CBL: variants seen among roughly 807,000 people sequenced by gnomAD.
The protein encoded by CBL is Cbl proto-oncogene, also known as E3 ubiquitin-protein ligase CBL.
Under a neutral mutation model 96.9 loss-of-function variants are expected in CBL, and 45 were observed. The observed-to-expected ratio is 0.46, with a 90% CI of 0.37 to 0.60. The LOEUF (loss-of-function observed/expected upper bound fraction) is 0.60, where lower values mean the gene tolerates loss of function less well. Among genes scored for constraint, CBL ranks in the 20% least tolerant of loss-of-function variants. The pLI is 0.00. For missense variants in CBL, 1,024 were observed against 1,143.5 expected (o/e 0.90, Z 1.51); for synonymous variants, 420 against 426.8 (o/e 0.98, Z 0.20).
At chr11:119,248,571 A>G (rs1302097204) in intron 2 of CBL, among the ~76,000 whole-genome samples, 2 of 152,244 alleles carry the variant, frequency 1.3e-5, no homozygotes, top group Admixed American at 1.3e-4. Context: ...ATAAGTGAAA[A>G]TCTTCATGAA....
At chr11:119,283,951 G>A (rs528408187) in intron 9 of CBL, among the ~76,000 whole-genome samples, 33 of 151,966 alleles carry the variant, frequency 2.2e-4, no homozygotes, top group African/African-American at 7.7e-4. Context: ...TTATTGAATT[G>A]AAATAATTTA....
intron 2 of CBL, among the ~76,000 whole-genome samples, chr11:119,240,574 A>C (rs2135272041): frequency 6.6e-6 from 1 of 152,316 alleles, no homozygotes; most frequent in Non-Finnish European, 1.5e-5. Context: ...GGCTTGGTAT[A>C]GAGCATTTGA....
chr11:119,297,551 T>C, intron 14 of CBL, 70 bp downstream of exon 14: 3 of 1,122,474 alleles, frequency 2.7e-6, no homozygotes, highest in Non-Finnish European at 4.0e-6. Context: ...TATTTGGCAA[T>C]TGAGATAGCT....
chr11:119,290,374 G>T (rs895850515), intron 12 of CBL, among the ~76,000 whole-genome samples: 1 of 151,212 alleles, frequency 6.6e-6, no homozygotes, highest in African/African-American at 2.4e-5. Flanking sequence ...AAGATACTTG[G>T]CTGGGCGCAG....
intron 8 of CBL, 86 bp downstream of exon 8, chr11:119,278,383 G>A (rs2135304166): frequency 6.4e-7 from 1 of 1,558,270 alleles, no homozygotes; most frequent in South Asian, 1.1e-5. Flanking sequence ...TACAAGGGGT[G>A]GCCTGGCTTT....
At position 119,301,705 on chromosome 11, in the gene CBL, G is replaced by C. The variant is rs562590336; in HGVS notation, c.*1924G>C. 60 of 233,218 alleles carry C rather than the reference G, an allele frequency of 2.6e-4. 1 individual carries two copies. The highest frequency in any genetic ancestry group is 1.1e-3 in the African/African-American group (51 of 45,446). The allele number at this position is 233,218 out of a possible 1,614,324, so 14.4% of individuals were successfully genotyped here. ...TGGTTACCCAGTGTCTTCTCTACATGGCATAAAGCGGCAAAGCCCACCATT... is the reference window on the plus strand; with the variant it reads ...TGGTTACCCAGTGTCTTCTCTACATCGCATAAAGCGGCAAAGCCCACCATT... On this transcript the variant is annotated 3_prime_UTR_variant, in exon 16 of 16. Coordinates refer to ENST00000264033, the MANE Select transcript of CBL (RefSeq NM_005188.4).
At chr11:119,287,569 A>G (rs1265544156) in intron 11 of CBL, among the ~76,000 whole-genome samples, 1 of 152,234 alleles carries the variant, frequency 6.6e-6, no homozygotes, top group African/African-American at 2.4e-5. Context: ...TTAAGATACT[A>G]ATGGTATTTG....
rs556913439 is a variant in CBL, at chr11:119,275,656, A to G, written c.870-341A>G. On this transcript the variant is annotated intron_variant, in intron 5 of 15. Coordinates refer to ENST00000264033, the MANE Select transcript of CBL (RefSeq NM_005188.4). ...AGGTGGGCAGATACTTGAGATCAGAAGTTTAAGACTGGCCTGGCCAACATG... is the reference window on the plus strand; with the variant it reads ...AGGTGGGCAGATACTTGAGATCAGAGGTTTAAGACTGGCCTGGCCAACATG... 6.6e-5 allele frequency among the ~76,000 whole-genome samples: 10 copies of G among 152,274 alleles called. No individual in the cohort carries two copies. In the South Asian group the frequency reaches 1.7e-3, roughly 25 times the overall value.
chr11:119,256,120 T>A (rs1314943282), intron 2 of CBL, among the ~76,000 whole-genome samples: 4 of 151,804 alleles, frequency 2.6e-5, no homozygotes, highest in Non-Finnish European at 5.9e-5. Context: ...TGAAATAGAA[T>A]CCATTGCATT....
chr11:119,271,701 A>C (rs775127161), intron 2 of CBL, 34 bp from the exon 3 acceptor site: 9 of 1,587,166 alleles, frequency 5.7e-6, no homozygotes, highest in Non-Finnish European at 7.8e-6. Flanking sequence ...AAATAATTTT[A>C]TGTGTTTAAT....
chr11:119,247,225 T>G (rs1949638332), intron 2 of CBL, among the ~76,000 whole-genome samples: 1 of 152,142 alleles, frequency 6.6e-6, no homozygotes, highest in African/African-American at 2.4e-5. Context: ...AGTTAATAAC[T>G]TGATGGTGAA....
At chr11:119,216,819 T>C (rs1381697399) in intron 1 of CBL, among the ~76,000 whole-genome samples, 1 of 152,186 alleles carries the variant, frequency 6.6e-6, no homozygotes, top group African/African-American at 2.4e-5. Flanking sequence ...AAGAGGTATC[T>C]ACTGTGTGTA....
chr11:119,268,470 A>C (rs1257282096), intron 2 of CBL, among the ~76,000 whole-genome samples: 1 of 152,230 alleles, frequency 6.6e-6, no homozygotes, highest in Non-Finnish European at 1.5e-5. Context: ...AGTAAAGTAC[A>C]TGAAGAAAGA....
chr11:119,287,934 C>A lies in CBL; in HGVS notation c.2024C>A (p.Ser675Tyr). ...KPSSSANAIYSLAARPLPVPK... is the reference protein window; with the variant it reads ...KPSSSANAIYYLAARPLPVPK... ...TCCTCATCTGCCAATGCCATTTATT[C>A]TCTGGCTGCCAGGTAAGTCTGCTAA... Residue 675 changes from serine to tyrosine, a missense_variant, in exon 12 of 16, where the codon TCT (serine) becomes TAT (tyrosine). Physicochemically the swap from Ser to Tyr is moderately radical, Grantham distance 144. Transcript: ENST00000264033. 6.2e-7 allele frequency: 1 copy of A among 1,611,676 alleles called. No individual in the cohort carries two copies. The highest frequency in any genetic ancestry group is 8.5e-7 in the Non-Finnish European group (1 of 1,177,728).
chr11:119,206,688 G>T, intron 1 of CBL, 76 bp downstream of exon 1: 1 of 1,453,714 alleles, frequency 6.9e-7, no homozygotes. Flanking sequence ...ACGAGCGGAC[G>T]GAGGAAGCGG....
In CBL at chr11:119,281,313, T is replaced by G. The variant is rs374279699; in HGVS notation, c.1431+2600T>G. Among the ~76,000 whole-genome samples the G allele has an allele frequency of 1.6e-4, 24 of 152,316 alleles. 1 individual carries two copies. The East Asian group carries it at 4.2e-3, about 27-fold the overall frequency. On this transcript the variant is annotated intron_variant, in intron 9 of 15. Coordinates refer to ENST00000264033, the MANE Select transcript of CBL (RefSeq NM_005188.4). The stretch of plus-strand genomic sequence containing the variant: ...TAGCTTTCTGTGAAAGGGTGAGAGA[T>G]AAACTTCTTGAGATCTTTGGTATCT...
At chr11:119,277,270 CAT>C (rs1555229988) in intron 6 of CBL, among the ~76,000 whole-genome samples, 193 of 151,696 alleles carry the variant, frequency 1.3e-3, no homozygotes, top group African/African-American at 4.2e-3. Context: ...CACACACACA[CAT>C]AAAGAATTTC....
rs913145597 is a variant in CBL at position 119,251,831 on chromosome 11, A to G, written c.443+19136A>G. ...AAGCTTTTTCCAATCACTTTACTCTAATATTGCCAACCAAGACTTGCTCTA... is the reference window on the plus strand; with the variant it reads ...AAGCTTTTTCCAATCACTTTACTCTGATATTGCCAACCAAGACTTGCTCTA... On this transcript the variant is annotated intron_variant, in intron 2 of 15. Transcript: ENST00000264033. Among the ~76,000 whole-genome samples the G allele has an allele frequency of 5.3e-5, 8 of 152,290 alleles. No homozygotes were observed. The East Asian group carries it at 1.4e-3, about 26-fold the overall frequency.
intron 2 of CBL, among the ~76,000 whole-genome samples, chr11:119,269,890 G>A (rs1251663798): frequency 2.6e-5 from 4 of 152,040 alleles, no homozygotes; most frequent in Non-Finnish European, 4.4e-5. Flanking sequence ...CCAGCTACTC[G>A]GGAGGCAGAG....
Sources: allele counts gnomAD v4.1 joint callset (sites outside exome capture counted in the v4.1 genomes callset), GRCh38; gene constraint gnomAD v4.1.1; transcripts MANE v1.5; gene names NCBI Gene and HGNC (gene_info 2026-07-23, HGNC 2026-07-21).